The following OR8B3 variants were observed in gnomAD, a reference collection of about 807,000 sequenced individuals.
The protein encoded by OR8B3 is olfactory receptor family 8 subfamily B member 3.
For missense variants in OR8B3, 278 were observed against 377.6 expected, an observed-to-expected ratio of 0.74 and a Z score of 2.19; for synonymous variants, 102 against 135.4, an observed-to-expected ratio of 0.75 and a Z score of 1.71.
the OR8B3 span, among the ~76,000 whole-genome samples, chr11:124,406,793 C>CCACACACA: frequency 5.2e-4 from 76 of 145,212 alleles, no homozygotes; most frequent in African/African-American, 1.7e-3. Context: ...CTCCTTCTCA[C>CCACACACA]CACACACACA....
upstream of OR8B3, chr11:124,399,031 C>G (rs376895629): frequency 6.6e-6 from 1 of 152,224 alleles, no homozygotes; most frequent in African/African-American, 2.4e-5. Context: ...AAGTCTCTCT[C>G]AGGACCTCCC....
upstream of OR8B3, among the ~76,000 whole-genome samples, chr11:124,402,738 A>G (rs554764465): frequency 1.6e-4 from 24 of 152,350 alleles, no homozygotes; most frequent in Middle Eastern, 6.8e-3. Context: ...AGAGGCAGAC[A>G]TGAGGCCTTC....
chr11:124,403,614 T>C (rs1332686100), upstream of OR8B3, among the ~76,000 whole-genome samples: 1 of 149,346 alleles, frequency 6.7e-6, no homozygotes, highest in Non-Finnish European at 1.5e-5. Context: ...GAAGAGGCGC[T>C]CCTCACTTCC....
the OR8B3 span, among the ~76,000 whole-genome samples, chr11:124,408,394 A>T: frequency 2.6e-5 from 4 of 152,158 alleles, no homozygotes; most frequent in South Asian, 6.2e-4. Context: ...ATGATGTAAG[A>T]TGTAGTTTTT....
chr11:124,399,180 A>G (rs1375245249), upstream of OR8B3, among the ~76,000 whole-genome samples: 2 of 152,330 alleles, frequency 1.3e-5, no homozygotes, highest in East Asian at 3.9e-4. Context: ...TCATGTATAA[A>G]GATGTAAATG....
upstream of OR8B3, among the ~76,000 whole-genome samples, chr11:124,403,841 G>C (rs1253954989): frequency 6.6e-6 from 1 of 152,240 alleles, no homozygotes; most frequent in Non-Finnish European, 1.5e-5. Flanking sequence ...CTGAGTGAGC[G>C]AGACTCCGTC....
At position 124,397,068 on chromosome 11, in the gene OR8B3, A is replaced by T. The variant is rs1423114872; in HGVS notation, c.284T>A (p.Val95Asp). 1.2e-6 allele frequency: 2 copies of T among 1,613,950 alleles called. 1 individual carries two copies. The highest frequency in any genetic ancestry group is 2.2e-5 in the South Asian group (2 of 91,082). The change falls in exon 2 of 2, where the codon GTT becomes GAT. Residue 95 changes from valine to aspartate, a missense_variant. Coordinates refer to ENST00000641139, the MANE Select transcript of OR8B3 (RefSeq NM_001005467.2). ...GAAAAACAGCTGAGTCATGCACCCA[A>T]CATAGGAGATAATATTCTTTTTTGA... is the stretch of plus-strand genomic sequence containing the variant. ...FVSKKNIISY[V>D]GCMTQLFFFL...
At chr11:124,402,422 G>T (rs1861008938), upstream of OR8B3, among the ~76,000 whole-genome samples, 1 of 152,086 alleles carries the variant, frequency 6.6e-6, no homozygotes, top group Non-Finnish European at 1.5e-5. Flanking sequence ...GAAAATTTTT[G>T]CCAGGATGAT....
In OR8B3 at chr11:124,396,818, C is replaced by T; in HGVS notation, c.534G>A (p.Leu178=). The change falls in exon 2 of 2, where the codon TTG becomes TTA. Residue 178 remains leucine, a synonymous_variant. Coordinates refer to ENST00000641139, the MANE Select transcript of OR8B3 (RefSeq NM_001005467.2). ...GCTGGAGGAGGGGGAGTATGTCACA[C>T]AAGTAATGGTTGATGATATTAGCAC... ...FCSANIINHY[L]CDILPLLQLS... The T allele has an allele frequency of 6.2e-7, 1 of 1,610,884 alleles. No individual in the cohort carries two copies. Among genetic ancestry groups the T allele is most frequent in the African/African-American group, 1.3e-5 (1 of 74,798 alleles).
chr11:124,403,518 CGGCGG>C (rs1861032132), upstream of OR8B3, among the ~76,000 whole-genome samples: 4 of 148,808 alleles, frequency 2.7e-5, no homozygotes, highest in South Asian at 2.1e-4. Flanking sequence ...CCAGACGGGG[CGGCGG>C]GGCAGAGGCG....
the OR8B3 span, among the ~76,000 whole-genome samples, chr11:124,407,309 T>C: frequency 1.3e-5 from 2 of 152,146 alleles, no homozygotes; most frequent in Admixed American, 1.3e-4. Context: ...AGATTCTGTT[T>C]TCCTGTTTCT....
upstream of OR8B3, among the ~76,000 whole-genome samples, chr11:124,399,278 A>G (rs1288693217): frequency 7.4e-6 from 1 of 135,776 alleles, no homozygotes; most frequent in Admixed American, 7.3e-5. Flanking sequence ...TGAAGTTTAT[A>G]TGCTCATTTT....
At chr11:124,408,901 T>C in the OR8B3 span, among the ~76,000 whole-genome samples, 1 of 152,130 alleles carries the variant, frequency 6.6e-6, no homozygotes, top group African/African-American at 2.4e-5. Context: ...TAGGTATAAA[T>C]AGGACTGCAG....
Position 124,397,085 on chromosome 11 carries a change from C to G in OR8B3, c.267G>C (p.Lys89Asn), listed in dbSNP as rs1565350849. The G allele has an allele frequency of 2.5e-6, 4 of 1,613,768 alleles. No homozygotes were observed. In the Admixed American group the frequency reaches 5.0e-5, roughly 20 times the overall value. The change falls in exon 2 of 2, where the codon AAG becomes AAC. Residue 89 changes from lysine (K) to asparagine (N), a missense_variant. Coordinates refer to ENST00000641139, the MANE Select transcript of OR8B3 (RefSeq NM_001005467.2). ...TGCACCCAACATAGGAGATAATATTCTTTTTTGATACAAAGTTCATTAGCA... is the reference window on the plus strand; with the variant it reads ...TGCACCCAACATAGGAGATAATATTGTTTTTTGATACAAAGTTCATTAGCA... ...PKMLMNFVSK[K>N]NIISYVGCMT...
At chr11:124,405,866 C>A in the OR8B3 span, among the ~76,000 whole-genome samples, 1 of 152,194 alleles carries the variant, frequency 6.6e-6, no homozygotes, top group South Asian at 2.1e-4. Context: ...GTGTCATAGA[C>A]CTACCTTTGG....
At position 124,395,821 on chromosome 11, in the gene OR8B3, G is replaced by A. The variant is rs1860854319; in HGVS notation, c.*589C>T. The A allele has an allele frequency of 6.6e-6, 1 of 152,578 alleles. No homozygotes were observed. The highest frequency in any genetic ancestry group is 1.5e-5 in the Non-Finnish European group (1 of 68,368). 9.5% of individuals were successfully genotyped at this position (152,578 alleles called of 1,614,324 possible). ...GTATCAAATGCACTGGACTGATAGA[G>A]GTTCTCAGAAGCAAACGGCATGTGG... is the stretch of plus-strand genomic sequence containing the variant. On this transcript the variant is annotated 3_prime_UTR_variant, in exon 2 of 2. Transcript: ENST00000641139.
In OR8B3 at chr11:124,396,956, A is replaced by G; in HGVS notation, c.396T>C (p.Tyr132=). 1 of 1,612,910 alleles carries G rather than the reference A, an allele frequency of 6.2e-7. No individual in the cohort carries two copies. The highest frequency in any genetic ancestry group is 8.5e-7 in the Non-Finnish European group (1 of 1,179,412). The change falls in exon 2 of 2, where the codon TAT becomes TAC. Residue 132 remains tyrosine (Y), a synonymous_variant. Transcript: ENST00000641139. ...AGACCTGATGGGACATGGTGACCTT[A>G]TACAGCAATGGATTACAGATGGCCA... ...RYVAICNPLL[Y]KVTMSHQVCS...
chr11:124,408,055 T>A, the OR8B3 span, among the ~76,000 whole-genome samples: 1 of 152,208 alleles, frequency 6.6e-6, no homozygotes, highest in Non-Finnish European at 1.5e-5. Context: ...ATAAATGATG[T>A]ATGTATTAAT....
At chr11:124,402,874 C>T (rs1861018753), upstream of OR8B3, among the ~76,000 whole-genome samples, 1 of 150,450 alleles carries the variant, frequency 6.6e-6, no homozygotes, top group Non-Finnish European at 1.5e-5. Context: ...GTGTTTCTCG[C>T]AGATGGGGAT....
Sources: gnomAD v4.1 joint callset for allele counts (sites outside exome capture counted in the v4.1 genomes callset) on GRCh38, gnomAD v4.1.1 for gene constraint, MANE v1.5 for transcripts, NCBI Gene and HGNC (gene_info 2026-07-23, HGNC 2026-07-21) for gene names.